Variants in PCDHGB2 observed in about 807,000 individuals in gnomAD.
The protein encoded by PCDHGB2 is protocadherin gamma subfamily B, 2, also known as protocadherin gamma-B2.
In PCDHGB2, 55 loss-of-function variants were observed where a neutral mutation model predicts 59.3. The observed-to-expected ratio is 0.93, with a 90% CI of 0.75 to 1.16. The LOEUF (loss-of-function observed/expected upper bound fraction) is 1.16, where lower values mean the gene tolerates loss of function less well. Among genes scored for constraint, PCDHGB2 ranks in the 50% most tolerant of loss-of-function variants. The pLI is 0.00. For synonymous variants in PCDHGB2, 516 were observed against 512.0 expected, an observed-to-expected ratio of 1.01 and a Z score of -0.11; for missense variants, 1,228 against 1,198.5, an observed-to-expected ratio of 1.02 and a Z score of -0.36.
At chr5:141,488,599 C>T (rs1017044328) in intron 1 of PCDHGB2, among the ~76,000 whole-genome samples, 1 of 152,152 alleles carries the variant, frequency 6.6e-6, no homozygotes, top group Non-Finnish European at 1.5e-5. Flanking sequence ...CAAGACTTTA[C>T]AAGGTTCTTA....
chr5:141,394,855 C>T (rs1201168639), intron 1 of PCDHGB2: 2 of 1,613,778 alleles, frequency 1.2e-6, no homozygotes, highest in African/African-American at 1.3e-5. Context: ...CTGAAGCCTT[C>T]GGTCGACCCG....
chr5:141,410,849 C>CTTTTTTTTCTTTTT (rs2095433387), intron 1 of PCDHGB2: 1 of 129,786 alleles, frequency 7.7e-6, no homozygotes, highest in African/African-American at 6.0e-5. Flanking sequence ...TTGTCTTTGT[C>CTTTTTTTTCTTTTT]TTTTTTTTTT....
chr5:141,387,929 A>C, intron 1 of PCDHGB2: 1 of 1,235,330 alleles, frequency 8.1e-7, no homozygotes, highest in Non-Finnish European at 1.1e-6. Flanking sequence ...AGAGGCTGCC[A>C]GTGCTCTTTC....
In PCDHGB2 at chr5:141,487,218, C is replaced by T; in HGVS notation, c.2422-7589C>T. The T allele has an allele frequency of 6.2e-7, 1 of 1,613,938 alleles. No individual in the cohort carries two copies. The highest frequency in any genetic ancestry group is 1.3e-5 in the African/African-American group (1 of 75,024). On this transcript the variant is annotated intron_variant, in intron 1 of 3. Coordinates refer to ENST00000522605, the MANE Select transcript of PCDHGB2 (RefSeq NM_018923.3). The surrounding 1 kb of genome is among the most constrained non-coding windows in gnomAD (Gnocchi z 5.0). ...CCAGATCTTCGAGAATCTTCAGCTCCAAGGGAAGGAGAATCTCGTCTAACC... is the reference window on the plus strand; with the variant it reads ...CCAGATCTTCGAGAATCTTCAGCTCTAAGGGAAGGAGAATCTCGTCTAACC...
intron 1 of PCDHGB2, chr5:141,471,252 T>A (rs1003162914): frequency 6.6e-6 from 1 of 151,872 alleles, no homozygotes; most frequent in Admixed American, 6.6e-5. Flanking sequence ...GGTTTCACCA[T>A]GTTGGCAAGG....
chr5:141,405,446 G>A, intron 1 of PCDHGB2: 1 of 1,338,140 alleles, frequency 7.5e-7, no homozygotes, highest in Non-Finnish European at 1.0e-6. Flanking sequence ...TTGAGACAGA[G>A]TCTTACTCTG....
intron 1 of PCDHGB2, chr5:141,407,957 G>A: frequency 1.5e-6 from 1 of 660,494 alleles, no homozygotes; most frequent in Non-Finnish European, 2.4e-6. Flanking sequence ...GGCCAGTGCA[G>A]AGCAAGCGCT....
intron 1 of PCDHGB2, chr5:141,413,247 C>T (rs1168509242): frequency 1.2e-6 from 2 of 1,613,822 alleles, no homozygotes; most frequent in African/African-American, 2.7e-5. Flanking sequence ...GCCTTTTCTT[C>T]GGGATTCCAT....
In PCDHGB2 at chr5:141,426,211, G is replaced by A. The variant is rs184669298; in HGVS notation, c.2421+63655G>A. On this transcript the variant is annotated intron_variant, in intron 1 of 3. Coordinates refer to ENST00000522605, the MANE Select transcript of PCDHGB2 (RefSeq NM_018923.3). ...TGGGAGCATTGAGTTTTCTATGTAT[G>A]GAAGTAAATATTTTAAAAGCACTTT... The A allele has an allele frequency of 7.7e-4, 121 of 157,870 alleles. 1 individual carries two copies. The highest frequency in any genetic ancestry group is 7.4e-4 in the South Asian group (4 of 5,398). 9.8% of individuals were successfully genotyped at this position (157,870 alleles called of 1,614,324 possible). A position where few individuals can be genotyped will look rare whatever the true frequency, so the allele number is the denominator to read the frequency against.
intron 1 of PCDHGB2, chr5:141,382,901 T>C (rs748634682): frequency 5.8e-6 from 9 of 1,543,194 alleles, no homozygotes; most frequent in East Asian, 2.3e-5. Flanking sequence ...AGGACGACTA[T>C]GGCGGCTCAG....
intron 1 of PCDHGB2, among the ~76,000 whole-genome samples, chr5:141,447,413 C>T (rs1279399546): frequency 6.6e-6 from 1 of 152,204 alleles, no homozygotes; most frequent in Non-Finnish European, 1.5e-5. Flanking sequence ...GCTGGGATTA[C>T]AGGCGTGAGC....
At chr5:141,393,845 AC>A in intron 1 of PCDHGB2, 1 of 1,613,966 alleles carries the variant, frequency 6.2e-7, no homozygotes, top group South Asian at 1.1e-5. Flanking sequence ...ATGACAATAG[AC>A]CAGAAGTGAT....
At chr5:141,389,514 G>C (rs1030106901) in intron 1 of PCDHGB2, 2 of 1,613,132 alleles carry the variant, frequency 1.2e-6, no homozygotes, top group Non-Finnish European at 1.7e-6. Flanking sequence ...CAGCGCGAAC[G>C]TGAGCCTGCG....
intron 1 of PCDHGB2, among the ~76,000 whole-genome samples, chr5:141,474,142 T>G (rs2099344082): frequency 6.6e-6 from 1 of 152,212 alleles, no homozygotes; most frequent in African/African-American, 2.4e-5. Flanking sequence ...ACAGGCCTTA[T>G]TATCAAGAAA....
intron 1 of PCDHGB2, chr5:141,433,240 C>A (rs533423214): frequency 1.3e-6 from 2 of 1,488,038 alleles, no homozygotes; most frequent in Non-Finnish European, 1.8e-6. Flanking sequence ...GTCTCCCAAG[C>A]TGGAATGCAG....
Position 141,485,418 on chromosome 5 carries a change from G to A in PCDHGB2, c.2422-9389G>A. ...CACTTCCGTGTGGATTTGGACAGCG[G>A]AGCCCTGCTCATCAAGAACCCAATC... On this transcript the variant is annotated intron_variant, in intron 1 of 3. Transcript: ENST00000522605. This position sits in a 1 kb window ranked among gnomAD's most constrained non-coding sequence, Gnocchi z 5.7. 6.2e-7 allele frequency: 1 copy of A among 1,614,174 alleles called. No homozygotes were observed. The highest frequency in any genetic ancestry group is 8.5e-7 in the Non-Finnish European group (1 of 1,180,042).
intron 1 of PCDHGB2, among the ~76,000 whole-genome samples, chr5:141,407,505 T>TTTTTTTTTTTTTTTTTTTTTTTGAG (rs1460306566): frequency 6.6e-6 from 1 of 152,146 alleles, no homozygotes; most frequent in Non-Finnish European, 1.5e-5. Context: ...CTGTTTTTCT[T>TTTTTTTTTTTTTTTTTTTTTTTGAG]AGGCTATGTA....
At chr5:141,375,385 A>G in intron 1 of PCDHGB2, 3 of 1,614,012 alleles carry the variant, frequency 1.9e-6, no homozygotes, top group East Asian at 4.5e-5. Flanking sequence ...CTCTGTCTAC[A>G]GAAACAATCA....
In PCDHGB2 at chr5:141,400,210, A is replaced by C. The variant is rs201102949; in HGVS notation, c.2421+37654A>C. 1.2e-3 allele frequency: 1,976 copies of C among 1,613,732 alleles called. 4 individuals are homozygous for C. The highest frequency in any genetic ancestry group is 1.6e-3 in the Non-Finnish European group (1,832 of 1,179,862). ...TTACCTAGTGGTGGCCTTGGCCTTG[A>C]TCTCAGTGCTCTTCCTCCTGGCCGT... On this transcript the variant is annotated intron_variant, in intron 1 of 3. Coordinates refer to ENST00000522605, the MANE Select transcript of PCDHGB2 (RefSeq NM_018923.3).
Sources: allele counts gnomAD v4.1 joint callset (sites outside exome capture counted in the v4.1 genomes callset), GRCh38; gene constraint gnomAD v4.1.1; non-coding constraint Gnocchi (gnomAD v3.1); transcripts MANE v1.5; gene names NCBI Gene and HGNC (gene_info 2026-07-23, HGNC 2026-07-21).